The following UGT1A9 variants were observed in gnomAD, a reference collection of about 807,000 sequenced individuals.
The protein encoded by UGT1A9 is UDP glucuronosyltransferase family 1 member A9.
A neutral mutation model predicts 45.0 loss-of-function variants in UGT1A9; 35 were observed. The observed-to-expected ratio is 0.78, with a 90% CI of 0.59 to 1.03. The LOEUF is 1.03. Ranked by LOEUF, UGT1A9 falls within the 50% of genes least tolerant of loss-of-function variation. The probability of loss-of-function intolerance (pLI) is 0.00; values close to 1 mark genes in which losing one functional copy is unlikely to be tolerated. For synonymous variants in UGT1A9, 278 were observed against 250.6 expected (o/e 1.11, Z -1.03); for missense variants, 687 against 666.6 (o/e 1.03, Z -0.34).
At chr2:233,744,611 C>T (rs1407412531) in intron 1 of UGT1A9, among the ~76,000 whole-genome samples, 1 of 151,864 alleles carries the variant, frequency 6.6e-6, no homozygotes, top group Non-Finnish European at 1.5e-5. Context: ...TAGTACTTGG[C>T]TCTATAGAGA....
Position 233,772,617 on chromosome 2 carries a change from GA to G in UGT1A9, c.*62del. 1 of 1,572,898 alleles carries G rather than the reference GA, an allele frequency of 6.4e-7. No homozygotes were observed. Among genetic ancestry groups the G allele is most frequent in the Non-Finnish European group, 8.6e-7 (1 of 1,158,346 alleles). On this transcript the variant is annotated 3_prime_UTR_variant, in exon 5 of 5. Coordinates refer to ENST00000354728, the MANE Select transcript of UGT1A9 (RefSeq NM_021027.3). The stretch of plus-strand genomic sequence containing the variant: ...CCATTCCCTAGTCATTTCCAAACTT[GA>G]AAACAGAATCAGTGTTAAATTCATT...
rs1377553031 is a variant in UGT1A9 at position 233,755,239 on chromosome 2, G to C, written c.856-11795G>C. 12 of 885,954 alleles carry C rather than the reference G, an allele frequency of 1.4e-5. No individual in the cohort carries two copies. The South Asian group carries it at 1.5e-4, about 11-fold the overall frequency. The allele number at this position is 885,954 out of a possible 1,614,324, so 54.9% of individuals were successfully genotyped here. A position where few individuals can be genotyped will look rare whatever the true frequency, so the allele number is the denominator to read the frequency against. On this transcript the variant is annotated intron_variant, in intron 1 of 4. Transcript: ENST00000354728. ...ATACCCTCGGACGAGGCCTACCGGG[G>C]TACTCCCAGCACCTCGTAGTAGTCC...
chr2:233,713,579 A>G (rs536394959), intron 1 of UGT1A9: 12 of 1,613,952 alleles, frequency 7.4e-6, no homozygotes, highest in African/African-American at 5.3e-5. Flanking sequence ...ATATTCCTAG[A>G]TTACTAACGA....
intron 1 of UGT1A9, among the ~76,000 whole-genome samples, chr2:233,746,975 C>G (rs1401004389): frequency 6.6e-6 from 1 of 151,722 alleles, no homozygotes; most frequent in Non-Finnish European, 1.5e-5. Context: ...TTCCCCAGAG[C>G]GAGCGCAGGG....
At chr2:233,737,829 G>A (rs1202229926) in intron 1 of UGT1A9, among the ~76,000 whole-genome samples, 2 of 151,976 alleles carry the variant, frequency 1.3e-5, no homozygotes, top group Admixed American at 6.6e-5. Context: ...AACAAATTGG[G>A]AACTGTGGCA....
intron 1 of UGT1A9, among the ~76,000 whole-genome samples, chr2:233,717,441 A>T (rs985178855): frequency 6.6e-6 from 1 of 152,186 alleles, no homozygotes; most frequent in Non-Finnish European, 1.5e-5. Flanking sequence ...TGATGGACGC[A>T]TCCATTCACT....
chr2:233,693,246 C>T (rs747771330), intron 1 of UGT1A9: 21 of 1,613,944 alleles, frequency 1.3e-5, no homozygotes, highest in African/African-American at 6.7e-5. Context: ...TATCCAGTGC[C>T]GTATGACCAA....
At position 233,718,085 on chromosome 2, in the gene UGT1A9, C is replaced by A. The variant is rs557969051; in HGVS notation, c.855+45296C>A. The A allele has an allele frequency of 1.6e-4, 55 of 337,650 alleles. 1 individual carries two copies. The East Asian group carries it at 4.0e-3, about 25-fold the overall frequency. 20.9% of individuals were successfully genotyped at this position (337,650 alleles called of 1,614,324 possible). On this transcript the variant is annotated intron_variant, in intron 1 of 4. Transcript: ENST00000354728. ...TGGGTCCTTGCTAGGGTTGTCTTGC[C>A]CATGTGTGCTTTAGACAGCAGCACC...
At chr2:233,732,782 G>A (rs1439304470) in intron 1 of UGT1A9, among the ~76,000 whole-genome samples, 1 of 126,430 alleles carries the variant, frequency 7.9e-6, no homozygotes, top group East Asian at 2.4e-4. Context: ...GCTTAGGATT[G>A]TCTTGGCAAT....
intron 1 of UGT1A9, among the ~76,000 whole-genome samples, chr2:233,687,425 G>A (rs1234842882): frequency 6.6e-6 from 1 of 151,954 alleles, no homozygotes; most frequent in Non-Finnish European, 1.5e-5. Context: ...GGCTTACCGT[G>A]TACCAGGTGC....
chr2:233,688,991 T>C (rs186790665), intron 1 of UGT1A9, among the ~76,000 whole-genome samples: 106 of 152,308 alleles, frequency 7.0e-4, no homozygotes, highest in African/African-American at 2.4e-3. Context: ...CATCCCTATG[T>C]CCCAGGGTCT....
chr2:233,764,801 C>T (rs1177973907), intron 1 of UGT1A9, among the ~76,000 whole-genome samples: 8 of 152,184 alleles, frequency 5.3e-5, no homozygotes, highest in African/African-American at 1.9e-4. Context: ...GGTGTTCTTG[C>T]TACAAACCAA....
At position 233,772,889 on chromosome 2, in the gene UGT1A9, T is replaced by C. The variant is rs1433214773; in HGVS notation, c.*330T>C. 3.8e-6 allele frequency: 2 copies of C among 531,532 alleles called. No homozygotes were observed. The highest frequency in any genetic ancestry group is 5.3e-5 in the East Asian group (1 of 18,828). 32.9% of individuals were successfully genotyped at this position (531,532 alleles called of 1,614,324 possible). On this transcript the variant is annotated 3_prime_UTR_variant, in exon 5 of 5. Transcript: ENST00000354728. Reference sequence around the variant, plus strand: ...TGTTTGGGAGTGCGGGATTCAAAGGTGGTCCCACGGCTGCCCCTACTGCAA... The same window carrying C: ...TGTTTGGGAGTGCGGGATTCAAAGGCGGTCCCACGGCTGCCCCTACTGCAA...
At chr2:233,746,459 A>G (rs1222925950) in intron 1 of UGT1A9, among the ~76,000 whole-genome samples, 1 of 151,694 alleles carries the variant, frequency 6.6e-6, no homozygotes, top group African/African-American at 2.4e-5. Flanking sequence ...GTACCTTCAA[A>G]AGGGTTCCAG....
chr2:233,715,863 T>C (rs1183803231), intron 1 of UGT1A9, among the ~76,000 whole-genome samples: 2 of 152,198 alleles, frequency 1.3e-5, no homozygotes, highest in Non-Finnish European at 2.9e-5. Flanking sequence ...CTGGGTGCAG[T>C]AGCTTGTGCC....
chr2:233,741,224 C>T lies in UGT1A9; in HGVS notation c.856-25810C>T, dbSNP rs565131356. ...AAAACTAGCCAGAGTTGTTACAGAC[C>T]CACTACCTCTGAGTGACACTGGTAT... On this transcript the variant is annotated intron_variant, in intron 1 of 4. Transcript: ENST00000354728. Among the ~76,000 whole-genome samples, 4 of 151,908 alleles carry T rather than the reference C, an allele frequency of 2.6e-5. No individual in the cohort carries two copies. The South Asian group carries it at 8.3e-4, about 32-fold the overall frequency.
chr2:233,733,202 C>A (rs1192097385), intron 1 of UGT1A9, among the ~76,000 whole-genome samples: 2 of 152,102 alleles, frequency 1.3e-5, no homozygotes, highest in Non-Finnish European at 2.9e-5. Context: ...CTTAAGGAGA[C>A]TTTGGGCTGA....
At chr2:233,693,762 G>C in intron 1 of UGT1A9, 1 of 1,614,206 alleles carries the variant, frequency 6.2e-7, no homozygotes, top group Non-Finnish European at 8.5e-7. Flanking sequence ...GTCTCTGTTT[G>C]GCTGTTAAGA....
chr2:233,753,792 G>A (rs1695310266), intron 1 of UGT1A9: 1 of 152,134 alleles, frequency 6.6e-6, no homozygotes, highest in African/African-American at 2.4e-5. Context: ...ACATTTCCAG[G>A]ACCTACCATA....
Sources: allele counts gnomAD v4.1 joint callset (sites outside exome capture counted in the v4.1 genomes callset), GRCh38; gene constraint gnomAD v4.1.1; transcripts MANE v1.5; gene names NCBI Gene and HGNC (gene_info 2026-07-23, HGNC 2026-07-21).